DCN: variants seen among roughly 807,000 people sequenced by gnomAD.
DCN encodes the protein decorin.
A neutral mutation model predicts 36.5 loss-of-function variants in DCN; 17 were observed. The ratio of observed to expected loss-of-function variants is 0.47; its 90% confidence interval spans 0.32 to 0.70. DCN has a LOEUF of 0.70. Among genes scored for constraint, DCN ranks in the 30% least tolerant of loss-of-function variants. DCN has a pLI of 0.04. For synonymous variants in DCN, 163 were observed against 161.4 expected (o/e 1.01, Z -0.07); for missense variants, 389 against 430.1 (o/e 0.90, Z 0.84).
intron 3 of DCN, among the ~76,000 whole-genome samples, chr12:91,160,688 G>C (rs1882102443): frequency 6.6e-6 from 1 of 152,042 alleles, no homozygotes; most frequent in Non-Finnish European, 1.5e-5. Context: ...ACTAAGAATA[G>C]TGCCTAGTAT....
intron 2 of DCN, among the ~76,000 whole-genome samples, chr12:91,173,556 G>A (rs146792139): frequency 6.6e-6 from 1 of 152,064 alleles, no homozygotes; most frequent in Admixed American, 6.6e-5. Flanking sequence ...GTCAATTTAG[G>A]CAATCCAGTG....
rs1297695711 is a variant in DCN at position 91,146,120 on chromosome 12, G to C, written c.1018C>G (p.Gln340Glu). The C allele has an allele frequency of 6.2e-6, 10 of 1,613,798 alleles. 1 individual carries two copies. The South Asian group carries it at 7.7e-5, about 12-fold the overall frequency. The change falls in exon 8 of 8, where the codon CAG (glutamine) becomes GAG (glutamate). Residue 340 changes from glutamine to glutamate, a missense_variant. Coordinates refer to ENST00000052754, the MANE Select transcript of DCN (RefSeq NM_001920.5). The stretch of plus-strand genomic sequence containing the variant: ...TAGACACATCTGAAGGTGGATGGCT[G>C]TATCTCCCAGTACTGGACCGGGTTG... ...FSNPVQYWEI[Q>E]PSTFRCVYVR...
chr12:91,151,693 G>A lies in DCN; in HGVS notation c.846C>T (p.Thr282=), dbSNP rs2121173991. ...GCTCTGCCAGCCCACCAGGTACTCT[G>A]GTAAGCTTGTTGTTGTCCAAGTGAA... ...RELHLDNNKL[T]RVPGGLAEHK... The change falls in exon 7 of 8, where the codon ACC becomes ACT. Residue 282 remains threonine, a synonymous_variant. Transcript: ENST00000052754. 1 of 1,614,016 alleles carries A rather than the reference G, an allele frequency of 6.2e-7. No individual in the cohort carries two copies. Among genetic ancestry groups the A allele is most frequent in the South Asian group, 1.1e-5 (1 of 91,064 alleles).
rs186859990 is a variant in DCN, at chr12:91,176,755, T to C, written c.211+1587A>G. On this transcript the variant is annotated intron_variant, in intron 2 of 7. Transcript: ENST00000052754. The stretch of plus-strand genomic sequence containing the variant: ...TAGCGAGAGTAATAATAAATTCTTT[T>C]AACTTTTTCTCAGAGGCAAAGTGAA... 6 of 152,338 alleles carry C rather than the reference T, an allele frequency of 3.9e-5. No homozygotes were observed. The East Asian group carries it at 1.2e-3, about 29-fold the overall frequency. 9.4% of individuals were successfully genotyped at this position (152,338 alleles called of 1,614,324 possible). A position where few individuals can be genotyped will look rare whatever the true frequency, so the allele number is the denominator to read the frequency against.
rs756082215 is a variant in DCN at position 91,178,415 on chromosome 12, G to A, written c.138C>T (p.Phe46=). The A allele has an allele frequency of 4.2e-5, 68 of 1,613,830 alleles. No homozygotes were observed. In the Admixed American group the frequency reaches 7.0e-4, roughly 17 times the overall value. ...GGCACACTGGGCCTAGGGAGGGCTC[G>A]AAGTCGCGGTCATCAGGAACTTCTG... ...IGPEVPDDRD[F]EPSLGPVCPF... Residue 46 remains phenylalanine, a synonymous_variant, in exon 2 of 8, where the codon TTC becomes TTT. Coordinates refer to ENST00000052754, the MANE Select transcript of DCN (RefSeq NM_001920.5).
intron 2 of DCN, among the ~76,000 whole-genome samples, chr12:91,173,443 C>T (rs1260756046): frequency 3.9e-5 from 6 of 152,146 alleles, no homozygotes; most frequent in African/African-American, 7.2e-5. Context: ...TCTTCCTCCT[C>T]TCCATCTTTA....
chr12:91,182,450 TAAAAC>T (rs927454143), intron 1 of DCN, 200 bp downstream of exon 1: 2 of 152,062 alleles, frequency 1.3e-5, no homozygotes, highest in Non-Finnish European at 2.9e-5. Flanking sequence ...GAGAAAGAAA[TAAAAC>T]AATGCATTCA....
chr12:91,182,347 T>C (rs1868436538), intron 1 of DCN, among the ~76,000 whole-genome samples: 1 of 152,104 alleles, frequency 6.6e-6, no homozygotes, highest in African/African-American at 2.4e-5. Flanking sequence ...CTTGAAGAGC[T>C]AAACATTCAT....
chr12:91,165,878 C>A (rs1269803707), intron 2 of DCN, among the ~76,000 whole-genome samples: 1 of 152,030 alleles, frequency 6.6e-6, no homozygotes, highest in Non-Finnish European at 1.5e-5. Context: ...ATAGCAGGAC[C>A]AAGGCAGATA....
rs1880814528 is a variant in DCN at position 91,143,356 on chromosome 12, A to G, written c.*2702T>C. On this transcript the variant is annotated 3_prime_UTR_variant, in exon 8 of 8. Transcript: ENST00000052754. ...ACAGAGGCCAATAAGCAGGAGACAA[A>G]AGACAGACATGGTACAATAGGAAAC... 1 of 152,174 alleles carries G rather than the reference A, an allele frequency of 6.6e-6. No homozygotes were observed. The highest frequency in any genetic ancestry group is 2.1e-4 in the South Asian group (1 of 4,828). The allele number at this position is 152,174 out of a possible 1,614,324, so 9.4% of individuals were successfully genotyped here.
Position 91,157,203 on chromosome 12 carries a change from A to C in DCN, c.539-15T>G, listed in dbSNP as rs745531761. 5 of 1,578,800 alleles carry C rather than the reference A, an allele frequency of 3.2e-6. No individual in the cohort carries two copies. The South Asian group carries it at 4.4e-5, about 14-fold the overall frequency. On this transcript the variant is annotated splice_polypyrimidine_tract_variant and intron_variant, in intron 4 of 7. Transcript: ENST00000052754. ...GGTGCCCAGTTCTACAAATGTAATA[A>C]GTGCAAGGCTTTTAGAGGAAATTTT...
chr12:91,178,967 A>G (rs1022674048), intron 1 of DCN, among the ~76,000 whole-genome samples: 3 of 152,094 alleles, frequency 2.0e-5, no homozygotes, highest in Non-Finnish European at 4.4e-5. Flanking sequence ...GAGATCTCCA[A>G]TTTCTGCTTC....
chr12:91,164,480 G>T (rs1469180326), intron 3 of DCN, 125 bp downstream of exon 3: 23 of 426,946 alleles, frequency 5.4e-5, no homozygotes, highest in Non-Finnish European at 8.3e-5. Context: ...AAAAAAAAAG[G>T]TGAAGTTAAT....
intron 2 of DCN, among the ~76,000 whole-genome samples, chr12:91,165,818 C>G (rs1882531287): frequency 6.6e-6 from 1 of 152,016 alleles, no homozygotes; most frequent in Non-Finnish European, 1.5e-5. Flanking sequence ...ATTCAACAAG[C>G]CTTTATTGAA....
chr12:91,165,389 G>A (rs1882490493), intron 2 of DCN, among the ~76,000 whole-genome samples: 1 of 152,116 alleles, frequency 6.6e-6, no homozygotes, highest in South Asian at 2.1e-4. Context: ...ATTTTATGAA[G>A]CATTACTTTT....
intron 2 of DCN, among the ~76,000 whole-genome samples, chr12:91,168,694 A>G (rs1882741536): frequency 6.6e-6 from 1 of 152,220 alleles, no homozygotes; most frequent in African/African-American, 2.4e-5. Context: ...CCTCAGAAGT[A>G]TTAGGATACA....
intron 1 of DCN, 47 bp from the exon 2 acceptor site, chr12:91,178,632 G>T (rs1883446338): frequency 1.7e-6 from 2 of 1,180,280 alleles, no homozygotes; most frequent in Non-Finnish European, 2.5e-6. Flanking sequence ...TGCCTAATCT[G>T]TGTGTCGTTT....
intron 2 of DCN, chr12:91,175,833 C>A (rs1251107302): frequency 6.6e-6 from 1 of 152,114 alleles, no homozygotes; most frequent in Non-Finnish European, 1.5e-5. Flanking sequence ...AAAAAATCAA[C>A]TATACTGCAT....
chr12:91,178,234 G>A (rs890833254), intron 2 of DCN, 108 bp downstream of exon 2: 6 of 984,278 alleles, frequency 6.1e-6, no homozygotes, highest in Non-Finnish European at 9.8e-6. Flanking sequence ...AGGTGGCACT[G>A]TCTCTCAAAT....
Sources: gnomAD v4.1 joint callset for allele counts (sites outside exome capture counted in the v4.1 genomes callset) on GRCh38, gnomAD v4.1.1 for gene constraint, MANE v1.5 for transcripts, NCBI Gene and HGNC (gene_info 2026-07-23, HGNC 2026-07-21) for gene names.